Variants in BMP2K observed in about 807,000 individuals in gnomAD.
The protein encoded by BMP2K is BMP2 inducible kinase, also known as BMP-2-inducible protein kinase.
Under a neutral mutation model 116.0 loss-of-function variants are expected in BMP2K, and 74 were observed. The ratio of observed to expected loss-of-function variants is 0.64; its 90% CI spans 0.53 to 0.77. The LOEUF is 0.77. Among genes scored for constraint, BMP2K ranks in the 30% least tolerant of loss-of-function variants. The probability of loss-of-function intolerance (pLI) is 0.00; values close to 1 mark genes in which losing one functional copy is unlikely to be tolerated. For synonymous variants in BMP2K, 486 were observed against 502.5 expected (o/e 0.97, Z 0.44); for missense variants, 1,365 against 1,403.6 (o/e 0.97, Z 0.44).
At chr4:78,837,888 C>A (rs1730566322) in intron 3 of BMP2K, among the ~76,000 whole-genome samples, 1 of 152,180 alleles carries the variant, frequency 6.6e-6, no homozygotes, top group South Asian at 2.1e-4. Context: ...AGCAGTCCTC[C>A]CACCTCAGCC....
At chr4:78,830,670 T>C (rs934376490) in intron 2 of BMP2K, among the ~76,000 whole-genome samples, 4 of 152,252 alleles carry the variant, frequency 2.6e-5, no homozygotes, top group African/African-American at 7.2e-5. Flanking sequence ...CCTGCTTTAC[T>C]TTGTACTTAA....
At chr4:78,794,574 A>T (rs947856291) in intron 1 of BMP2K, among the ~76,000 whole-genome samples, 2 of 150,942 alleles carry the variant, frequency 1.3e-5, no homozygotes, top group African/African-American at 4.9e-5. Flanking sequence ...TAATCATTCT[A>T]TTTTTTTTTC....
chr4:78,893,239 A>G (rs1560549815), intron 15 of BMP2K, among the ~76,000 whole-genome samples: 1 of 152,030 alleles, frequency 6.6e-6, no homozygotes, highest in African/African-American at 2.4e-5. Flanking sequence ...AGCATAAGCA[A>G]CTCCTCATCT....
chr4:78,886,602 CAATA>C (rs1171091240), intron 14 of BMP2K, among the ~76,000 whole-genome samples: 1 of 151,926 alleles, frequency 6.6e-6, no homozygotes, highest in African/African-American at 2.4e-5. Context: ...TTGAATGAAT[CAATA>C]AACTCTGTTT....
intron 1 of BMP2K, among the ~76,000 whole-genome samples, chr4:78,790,894 T>G (rs1206384842): frequency 6.6e-6 from 1 of 152,082 alleles, no homozygotes; most frequent in Non-Finnish European, 1.5e-5. Context: ...AATAATAAAT[T>G]TTTAAAAATG....
At chr4:78,864,415 A>C (rs925475283) in intron 9 of BMP2K, among the ~76,000 whole-genome samples, 8 of 151,724 alleles carry the variant, frequency 5.3e-5, no homozygotes, top group Non-Finnish European at 1.0e-4. Context: ...ATATCGGTGT[A>C]TATATATATG....
chr4:78,821,241 G>A (rs1729602180), intron 1 of BMP2K, among the ~76,000 whole-genome samples: 1 of 152,186 alleles, frequency 6.6e-6, no homozygotes, highest in African/African-American at 2.4e-5. Flanking sequence ...AAGTTCTAAA[G>A]TGATGATGCG....
intron 15 of BMP2K, among the ~76,000 whole-genome samples, chr4:78,888,888 T>C: frequency 6.6e-6 from 1 of 152,146 alleles, no homozygotes. Flanking sequence ...TCTATAAAAA[T>C]TCATATTCCT....
intron 1 of BMP2K, among the ~76,000 whole-genome samples, chr4:78,807,721 A>T: frequency 6.6e-6 from 1 of 151,038 alleles, no homozygotes; most frequent in Non-Finnish European, 1.5e-5. Flanking sequence ...TATTAACCCT[A>T]TAATTGCCTT....
intron 2 of BMP2K, among the ~76,000 whole-genome samples, chr4:78,832,570 C>T (rs1730260330): frequency 2.0e-5 from 3 of 152,118 alleles, no homozygotes; most frequent in African/African-American, 7.2e-5. Context: ...AGATTTACCT[C>T]AAGATGATGG....
chr4:78,901,636 T>A (rs1734011272), intron 15 of BMP2K, among the ~76,000 whole-genome samples: 1 of 152,156 alleles, frequency 6.6e-6, no homozygotes, highest in Non-Finnish European at 1.5e-5. Context: ...GAAACCCACA[T>A]TCCCTTTCTT....
chr4:78,890,762 C>T lies in BMP2K; in HGVS notation c.2062+3478C>T, dbSNP rs563730141. ...AGAACTGGTTGCTTTCTGGAGCTGT[C>T]ACACTTATAATTCTAGTATTTTTCC... On this transcript the variant is annotated intron_variant, in intron 15 of 15. Coordinates refer to ENST00000502613, the MANE Select transcript of BMP2K (RefSeq NM_198892.2). 1.6e-4 allele frequency among the ~76,000 whole-genome samples: 24 copies of T among 152,288 alleles called. 1 individual carries two copies. In the South Asian group the frequency reaches 4.4e-3, roughly 28 times the overall value.
In BMP2K at chr4:78,909,055, C is replaced by CTTTT. The variant is rs1053664659; in HGVS notation, c.2063-1534_2063-1531dup. On this transcript the variant is annotated intron_variant, in intron 15 of 15. Transcript: ENST00000502613. Reference sequence around the variant, plus strand: ...ACTCCCCTTCTTACCTTCCCTTAGTCTTTTTTTTTTTTTTTTTTTTTTTTG... The same window carrying CTTTT: ...ACTCCCCTTCTTACCTTCCCTTAGTCTTTTTTTTTTTTTTTTTTTTTTTTTTTTG... Among the ~76,000 whole-genome samples, 96 of 94,412 alleles carry CTTTT rather than the reference C, an allele frequency of 1.0e-3. 2 individuals carry two copies. Among genetic ancestry groups the CTTTT allele is most frequent in the African/African-American group, 2.0e-3 (44 of 21,930 alleles). 61.9% of individuals were successfully genotyped at this position (94,412 alleles called of 152,430 possible).
intron 2 of BMP2K, among the ~76,000 whole-genome samples, chr4:78,831,850 A>C (rs1730222626): frequency 6.6e-6 from 1 of 152,064 alleles, no homozygotes; most frequent in Admixed American, 6.6e-5. Flanking sequence ...ATGGCTTCTT[A>C]TTCTTGTTCT....
intron 1 of BMP2K, among the ~76,000 whole-genome samples, chr4:78,779,922 T>C (rs1420125561): frequency 6.6e-6 from 1 of 152,212 alleles, no homozygotes; most frequent in Non-Finnish European, 1.5e-5. Context: ...ATGTTTTTTT[T>C]CTCAAAAACA....
chr4:78,840,369 G>T (rs115443994), intron 3 of BMP2K, among the ~76,000 whole-genome samples: 1 of 151,972 alleles, frequency 6.6e-6, no homozygotes, highest in East Asian at 1.9e-4. Flanking sequence ...ACCCAAAGAG[G>T]GTAGCCATTG....
chr4:78,887,030 TAC>T, intron 14 of BMP2K, 142 bp from the exon 15 acceptor site: 1 of 600,762 alleles, frequency 1.7e-6, no homozygotes, highest in East Asian at 2.8e-5. Context: ...CCCTAATACT[TAC>T]AGTGATAGAT....
intron 15 of BMP2K, among the ~76,000 whole-genome samples, chr4:78,895,618 T>TC (rs1733662231): frequency 6.6e-6 from 1 of 151,788 alleles, no homozygotes; most frequent in African/African-American, 2.4e-5. Context: ...AGAAGATGGA[T>TC]CTATAGATTT....
chr4:78,810,727 A>G (rs148367677), intron 1 of BMP2K, among the ~76,000 whole-genome samples: 4 of 152,310 alleles, frequency 2.6e-5, no homozygotes, highest in South Asian at 2.1e-4. Context: ...CTTGAAGGCT[A>G]TCATGGAGCT....
Sources: gnomAD v4.1 joint callset for allele counts (sites outside exome capture counted in the v4.1 genomes callset) on GRCh38, gnomAD v4.1.1 for gene constraint, MANE v1.5 for transcripts, NCBI Gene and HGNC (gene_info 2026-07-23, HGNC 2026-07-21) for gene names.